Variants in COL6A5 observed in about 807,000 individuals in gnomAD.
COL6A5 encodes collagen type VI alpha 5 chain.
COL6A5 carries 48 observed loss-of-function variants against 65.6 expected under a neutral mutation model. The observed-to-expected ratio is 0.73, with a 90% CI of 0.58 to 0.93. The LOEUF (loss-of-function observed/expected upper bound fraction) is 0.93. COL6A5 is among the 40% of genes least tolerant of loss of function. The pLI is 0.00. For missense variants in COL6A5, 914 were observed against 928.3 expected, an observed-to-expected ratio of 0.98 and a Z score of 0.20; for synonymous variants, 291 against 322.8, an observed-to-expected ratio of 0.90 and a Z score of 1.05.
chr3:130,396,614 T>C (rs1443646938), intron 8 of COL6A5, among the ~76,000 whole-genome samples: 1 of 152,234 alleles, frequency 6.6e-6, no homozygotes, highest in Non-Finnish European at 1.5e-5. Context: ...ATTAAAAATG[T>C]TGACATCAGG....
intron 4 of COL6A5, among the ~76,000 whole-genome samples, chr3:130,448,673 A>G (rs979399921): frequency 1.3e-5 from 2 of 152,096 alleles, no homozygotes; most frequent in African/African-American, 4.8e-5. Flanking sequence ...AAATATCATC[A>G]ATATAATGAA....
intron 1 of COL6A5, among the ~76,000 whole-genome samples, chr3:130,363,285 A>G (rs1276620291): frequency 2.6e-5 from 4 of 152,238 alleles, no homozygotes; most frequent in African/African-American, 9.6e-5. Context: ...TAATAACAAA[A>G]TAATTCAAAT....
intron 15 of COL6A5, 25 bp from the exon 16 acceptor site, chr3:130,406,106 A>T: frequency 6.5e-7 from 1 of 1,549,188 alleles, no homozygotes; most frequent in Non-Finnish European, 8.7e-7. Flanking sequence ...CTTTTACCTG[A>T]TGCCTGTCTA....
chr3:130,426,465 T>G (rs1344631691), upstream of COL6A5: 1 of 1,489,226 alleles, frequency 6.7e-7, no homozygotes, highest in African/African-American at 1.4e-5. Context: ...TAGGACTGTA[T>G]GCAGTGTGGG....
chr3:130,363,447 C>T (rs935281088), intron 1 of COL6A5, among the ~76,000 whole-genome samples: 6 of 152,134 alleles, frequency 3.9e-5, no homozygotes, highest in Non-Finnish European at 1.5e-5. Context: ...TTTACAAATG[C>T]CTCTCATCCT....
intron 7 of COL6A5, among the ~76,000 whole-genome samples, chr3:130,472,670 G>A (rs1003728375): frequency 6.6e-6 from 1 of 151,578 alleles, no homozygotes; most frequent in Non-Finnish European, 1.5e-5. Flanking sequence ...CAAAAATCAT[G>A]TACTAAAATG....
At chr3:130,458,807 T>C (rs1033088103) in intron 5 of COL6A5, among the ~76,000 whole-genome samples, 1 of 152,162 alleles carries the variant, frequency 6.6e-6, no homozygotes, top group Non-Finnish European at 1.5e-5. Flanking sequence ...CGAGAGATAC[T>C]AACAGGCTTT....
intron 7 of COL6A5, among the ~76,000 whole-genome samples, chr3:130,479,983 AT>A (rs972857054): frequency 4.3e-4 from 66 of 152,218 alleles, no homozygotes; most frequent in African/African-American, 1.5e-3. Context: ...TTTTTGAAAG[AT>A]TACTGGGTGA....
intron 27 of COL6A5, 122 bp downstream of exon 27, chr3:130,421,482 C>T: frequency 1.1e-6 from 1 of 874,530 alleles, no homozygotes; most frequent in Middle Eastern, 3.0e-4. Flanking sequence ...AGTTGTTTTC[C>T]TTGGGCTTCC....
intron 1 of COL6A5, among the ~76,000 whole-genome samples, chr3:130,348,168 C>T (rs149325215): frequency 2.0e-5 from 3 of 152,196 alleles, no homozygotes; most frequent in Non-Finnish European, 4.4e-5. Context: ...AGGTTTGTTA[C>T]ATAGGTATAC....
chr3:130,418,770 T>G, intron 24 of COL6A5, 99 bp from the exon 25 acceptor site: 1 of 913,164 alleles, frequency 1.1e-6, no homozygotes, highest in Non-Finnish European at 1.8e-6. Flanking sequence ...GACCCCTCAC[T>G]GAGAACCTTG....
chr3:130,411,677 TG>T (rs1937180292), intron 20 of COL6A5, among the ~76,000 whole-genome samples: 1 of 152,200 alleles, frequency 6.6e-6, no homozygotes, highest in African/African-American at 2.4e-5. Context: ...TGTGTATTTT[TG>T]TTGGTTTAAG....
At chr3:130,396,802 T>A (rs1001982456) in intron 8 of COL6A5, among the ~76,000 whole-genome samples, 3 of 152,236 alleles carry the variant, frequency 2.0e-5, no homozygotes, top group Non-Finnish European at 4.4e-5. Flanking sequence ...TGCAGCCATT[T>A]GTGTTTGTAA....
intron 6 of COL6A5, among the ~76,000 whole-genome samples, chr3:130,390,700 AG>A (rs2107652652): frequency 6.6e-6 from 1 of 152,314 alleles, no homozygotes; most frequent in South Asian, 2.1e-4. Context: ...TGCATACCCG[AG>A]GGTCCAAAGA....
intron 13 of COL6A5, among the ~76,000 whole-genome samples, chr3:130,404,207 G>T (rs796395964): frequency 1.1e-4 from 17 of 152,304 alleles, no homozygotes; most frequent in African/African-American, 3.8e-4. Flanking sequence ...GCGAATCTCT[G>T]TGTTTGAAAC....
intron 10 of COL6A5, 79 bp downstream of exon 10, chr3:130,398,190 G>A: frequency 1.1e-6 from 1 of 947,930 alleles, no homozygotes; most frequent in Non-Finnish European, 1.6e-6. Flanking sequence ...GAGTGCAGTG[G>A]CACGATCTCA....
intron 7 of COL6A5, among the ~76,000 whole-genome samples, chr3:130,475,398 C>G (rs1710068436): frequency 6.6e-6 from 1 of 151,996 alleles, no homozygotes; most frequent in Non-Finnish European, 1.5e-5. Flanking sequence ...GGGAACAACT[C>G]AAATGACTGT....
chr3:130,345,913 G>A (rs894602800), exon 1 of COL6A5: 2 of 398,606 alleles, frequency 5.0e-6, no homozygotes, highest in African/African-American at 2.1e-5. Context: ...GGAGCTCGGT[G>A]CAGCCTCTTC....
intron 24 of COL6A5, 56 bp from the exon 25 acceptor site, chr3:130,418,813 G>A (rs1210400523): frequency 1.4e-6 from 2 of 1,388,482 alleles, no homozygotes; most frequent in Non-Finnish European, 2.0e-6. Flanking sequence ...AACTTACCGT[G>A]GTAGGAACCA....
Sources: allele counts gnomAD v4.1 joint callset (sites outside exome capture counted in the v4.1 genomes callset), GRCh38; gene constraint gnomAD v4.1.1; transcripts MANE v1.5; gene names NCBI Gene and HGNC (gene_info 2026-07-23, HGNC 2026-07-21).